ADAM12: variants seen among roughly 807,000 people sequenced by gnomAD.
ADAM12 encodes disintegrin and metalloproteinase domain-containing protein 12.
Under a neutral mutation model 106.4 loss-of-function variants are expected in ADAM12, and 70 were observed. The ratio of observed to expected loss-of-function variants is 0.66; its 90% CI spans 0.54 to 0.80. The LOEUF is 0.80. Ranked by LOEUF, ADAM12 falls within the 30% of genes least tolerant of loss-of-function variation. ADAM12 has a pLI of 0.00. For missense variants in ADAM12, 1,010 were observed against 1,171.9 expected, an observed-to-expected ratio of 0.86 and a Z score of 2.02; for synonymous variants, 420 against 433.5, an observed-to-expected ratio of 0.97 and a Z score of 0.39.
intron 21 of ADAM12, among the ~76,000 whole-genome samples, chr10:126,027,536 C>T (rs1431121194): frequency 5.9e-5 from 9 of 152,276 alleles, no homozygotes; most frequent in East Asian, 1.9e-4. Flanking sequence ...AAGTAGGCTT[C>T]GTCCCAAGAT....
chr10:126,196,207 G>A (rs572815323), intron 3 of ADAM12, among the ~76,000 whole-genome samples: 5 of 152,310 alleles, frequency 3.3e-5, no homozygotes, highest in African/African-American at 1.2e-4. Flanking sequence ...CTATTGATTA[G>A]GGACCTGATT....
At chr10:126,093,449 C>T (rs905914014) in intron 11 of ADAM12, among the ~76,000 whole-genome samples, 3 of 152,196 alleles carry the variant, frequency 2.0e-5, no homozygotes, top group Non-Finnish European at 2.9e-5. Context: ...CCTCTAAGAT[C>T]TGGTAAGGTG....
chr10:126,035,923 A>G (rs2133397878), intron 21 of ADAM12, among the ~76,000 whole-genome samples: 1 of 152,016 alleles, frequency 6.6e-6, no homozygotes, highest in South Asian at 2.1e-4. Flanking sequence ...TACTTAAAAA[A>G]TTATAACTAG....
intron 11 of ADAM12, among the ~76,000 whole-genome samples, chr10:126,079,030 G>A (rs1955158144): frequency 6.6e-6 from 1 of 152,098 alleles, no homozygotes; most frequent in Non-Finnish European, 1.5e-5. Context: ...GTGCTCCCAG[G>A]ACAAGCAGCA....
At chr10:126,165,322 T>C (rs1223024405) in intron 3 of ADAM12, among the ~76,000 whole-genome samples, 4 of 152,092 alleles carry the variant, frequency 2.6e-5, no homozygotes, top group Non-Finnish European at 5.9e-5. Flanking sequence ...CACACACCAT[T>C]ACGCCTGGTT....
chr10:126,324,337 T>C lies in ADAM12; in HGVS notation c.186+6075A>G, dbSNP rs527318721. ...CAGGGGACATGGGGACAGAACATAG[T>C]GCAAGCATGGTGTAAAGAACGTGGC... On this transcript the variant is annotated intron_variant, in intron 2 of 22. Transcript: ENST00000448723. Among the ~76,000 whole-genome samples the C allele has an allele frequency of 2.2e-4, 34 of 152,262 alleles. No homozygotes were observed. In the South Asian group the frequency reaches 2.9e-3, roughly 13 times the overall value.
At chr10:126,166,714 G>C (rs530901021) in intron 3 of ADAM12, among the ~76,000 whole-genome samples, 1 of 152,060 alleles carries the variant, frequency 6.6e-6, no homozygotes, top group African/African-American at 2.4e-5. Context: ...GGCCAGGATG[G>C]TCTCCATCTC....
At chr10:126,337,630 C>T (rs1854754985) in intron 1 of ADAM12, among the ~76,000 whole-genome samples, 1 of 152,200 alleles carries the variant, frequency 6.6e-6, no homozygotes, top group Non-Finnish European at 1.5e-5. Context: ...ATGCCAATCT[C>T]CTCTGGCAAC....
chr10:126,094,243 A>G, intron 10 of ADAM12, 110 bp from the exon 11 acceptor site: 5 of 1,093,176 alleles, frequency 4.6e-6, no homozygotes, highest in Non-Finnish European at 6.5e-6. Context: ...GACTTAATGT[A>G]ATTCCTTATA....
intron 1 of ADAM12, among the ~76,000 whole-genome samples, chr10:126,372,208 A>T (rs982181757): frequency 5.3e-5 from 8 of 152,188 alleles, no homozygotes; most frequent in African/African-American, 1.9e-4. Context: ...ACGGTGGCTC[A>T]TGGATGCTGA....
At chr10:126,250,472 G>A (rs1349950009) in intron 3 of ADAM12, among the ~76,000 whole-genome samples, 1 of 152,108 alleles carries the variant, frequency 6.6e-6, no homozygotes, top group East Asian at 1.9e-4. Context: ...ACCTGGCCCT[G>A]CTCGTTTATC....
chr10:126,110,882 T>C (rs560352291), intron 6 of ADAM12, among the ~76,000 whole-genome samples: 1 of 152,340 alleles, frequency 6.6e-6, no homozygotes, highest in African/African-American at 2.4e-5. Flanking sequence ...GTTAAGTTGG[T>C]CTTTGGTCCT....
At chr10:126,184,440 C>T (rs1453063076) in intron 3 of ADAM12, among the ~76,000 whole-genome samples, 1 of 152,136 alleles carries the variant, frequency 6.6e-6, no homozygotes, top group Non-Finnish European at 1.5e-5. Flanking sequence ...CTTGTTAATC[C>T]TGCTTGGATT....
At chr10:126,313,761 T>C (rs141970991) in intron 2 of ADAM12, among the ~76,000 whole-genome samples, 1 of 152,102 alleles carries the variant, frequency 6.6e-6, no homozygotes, top group East Asian at 1.9e-4. Context: ...AAGTGGTGAA[T>C]AAAAAAGATA....
intron 2 of ADAM12, among the ~76,000 whole-genome samples, chr10:126,326,812 G>T (rs1255859345): frequency 6.6e-6 from 1 of 152,102 alleles, no homozygotes; most frequent in African/African-American, 2.4e-5. Context: ...CTCTTCCCCA[G>T]AACTCCACAT....
At chr10:126,167,657 T>C (rs1348344304) in intron 3 of ADAM12, among the ~76,000 whole-genome samples, 1 of 152,206 alleles carries the variant, frequency 6.6e-6, no homozygotes, top group African/African-American at 2.4e-5. Flanking sequence ...TTTATATTTA[T>C]TCATTAGTGC....
chr10:126,135,407 C>T, intron 5 of ADAM12, 177 bp downstream of exon 5: 2 of 603,278 alleles, frequency 3.3e-6, no homozygotes, highest in South Asian at 2.2e-5. Flanking sequence ...TCCTGGGTGG[C>T]CATGCTCTTG....
rs372432208 is a variant in ADAM12 at position 126,103,690 on chromosome 10, G to A, written c.742-2449C>T. ...GACGGCCCACTGTGACCCCAGGCCC[G>A]GAGAGAAGCTCACGGGCCTCTGCTG... On this transcript the variant is annotated intron_variant, in intron 8 of 22. Coordinates refer to ENST00000448723, the MANE Select transcript of ADAM12 (RefSeq NM_001288973.2). 4.3e-4 allele frequency among the ~76,000 whole-genome samples: 66 copies of A among 152,314 alleles called. No individual in the cohort carries two copies. The South Asian group carries it at 0.01, about 23-fold the overall frequency.
At chr10:126,280,411 A>C (rs940088877) in intron 2 of ADAM12, among the ~76,000 whole-genome samples, 1 of 152,174 alleles carries the variant, frequency 6.6e-6, no homozygotes, top group African/African-American at 2.4e-5. Context: ...ATTAAAACGA[A>C]ATGAAATTTA....
Sources: gnomAD v4.1 joint callset for allele counts (sites outside exome capture counted in the v4.1 genomes callset) on GRCh38, gnomAD v4.1.1 for gene constraint, MANE v1.5 for transcripts, NCBI Gene and HGNC (gene_info 2026-07-23, HGNC 2026-07-21) for gene names.